The following MIDN variants were observed in gnomAD, a reference collection of about 807,000 sequenced individuals.
MIDN encodes the protein midnolin, also known as midbrain nucleolar protein.
MIDN carries 26 observed loss-of-function variants against 46.1 expected under a neutral mutation model. That is an observed-to-expected ratio of 0.56 (90% CI 0.41 to 0.78). The LOEUF (loss-of-function observed/expected upper bound fraction) is 0.78, where lower values mean the gene tolerates loss of function less well. MIDN is among the 30% of genes least tolerant of loss of function. The pLI is 0.00. For missense variants in MIDN, 850 were observed against 771.8 expected (o/e 1.10, Z -1.20); for synonymous variants, 432 against 343.3 (o/e 1.26, Z -2.86).
At chr19:1,256,222 G>A (rs1041342694) in intron 8 of MIDN, among the ~76,000 whole-genome samples, 15 of 152,226 alleles carry the variant, frequency 9.9e-5, no homozygotes, top group African/African-American at 1.7e-4. Flanking sequence ...GGTGGCTCAC[G>A]CCTGTAATCC....
intron 8 of MIDN, 77 bp downstream of exon 8, chr19:1,255,771 G>A (rs571883165): frequency 3.2e-5 from 44 of 1,372,202 alleles, no homozygotes; most frequent in Non-Finnish European, 4.2e-5. Flanking sequence ...GAGCTGGTGG[G>A]CTCAGGAGCA....
rs2081222692 is a variant in MIDN at position 1,258,032 on chromosome 19, G to T, written c.*760G>T. On this transcript the variant is annotated 3_prime_UTR_variant, in exon 9 of 9. Coordinates refer to ENST00000682408, the MANE Select transcript of MIDN (RefSeq NM_001388306.1). ...CCTTTCCTGTCGGGAAGGGAGAGGG[G>T]AACTACCCCCCCAGCCTGCCCTCCG... 6.6e-6 allele frequency: 1 copy of T among 152,410 alleles called. No homozygotes were observed. The highest frequency in any genetic ancestry group is 6.5e-5 in the Admixed American group (1 of 15,272). 9.4% of individuals were successfully genotyped at this position (152,410 alleles called of 1,614,324 possible).
intron 2 of MIDN, 102 bp downstream of exon 2, chr19:1,250,631 G>A: frequency 2.0e-6 from 1 of 509,318 alleles, no homozygotes; most frequent in South Asian, 8.3e-5. Context: ...GGCCAGACAG[G>A]GGGCGGGGGC....
chr19:1,255,401 C>CA, intron 7 of MIDN, 21 bp from the exon 8 acceptor site: 2 of 1,563,634 alleles, frequency 1.3e-6, no homozygotes, highest in Non-Finnish European at 8.7e-7. Context: ...GCCGGGCACT[C>CA]ACGGCCACCT....
intron 5 of MIDN, 21 bp downstream of exon 5, chr19:1,254,103 G>C (rs1455268984): frequency 1.1e-5 from 17 of 1,539,450 alleles, no homozygotes; most frequent in Non-Finnish European, 1.5e-5. Flanking sequence ...GGGGGGACTG[G>C]GCCGGGCTGG....
intron 6 of MIDN, 103 bp downstream of exon 6, chr19:1,254,581 C>A: frequency 7.9e-7 from 1 of 1,266,606 alleles, no homozygotes; most frequent in South Asian, 1.3e-5. Context: ...CCAGGTGAGT[C>A]CCTTGTATTA....
intron 6 of MIDN, 99 bp from the exon 7 acceptor site, chr19:1,254,803 C>A: frequency 7.3e-7 from 1 of 1,366,688 alleles, no homozygotes; most frequent in South Asian, 1.3e-5. Flanking sequence ...GTTGACAGGT[C>A]ATCTCCTGAC....
At chr19:1,254,760 G>A (rs745385406) in intron 6 of MIDN, 142 bp from the exon 7 acceptor site, 20 of 1,033,062 alleles carry the variant, frequency 1.9e-5, no homozygotes, top group East Asian at 9.6e-5. Flanking sequence ...TTGTGACCTC[G>A]TGACCTTGGG....
rs2081181209 is a variant in MIDN at position 1,255,033 on chromosome 19, C to A, written c.957C>A (p.Ala319=). The A allele has an allele frequency of 6.2e-7, 1 of 1,613,050 alleles. No individual in the cohort carries two copies. The change falls in exon 7 of 9, where the codon GCC becomes GCA. Residue 319 remains alanine (A), a synonymous_variant. Transcript: ENST00000682408. ...GAVIESFVNH[A]PGVFSGTFSG... The stretch of plus-strand genomic sequence containing the variant: ...TCATCGAGAGCTTTGTGAATCACGC[C>A]CCGGGGGTCTTCTCAGGGACCTTCT...
chr19:1,256,879 C>T (rs934596456), intron 8 of MIDN, 116 bp from the exon 9 acceptor site: 112 of 1,493,904 alleles, frequency 7.5e-5, no homozygotes, highest in Admixed American at 3.2e-4. Context: ...GCTGACCTCC[C>T]TCCAGGGAGG....
At chr19:1,251,048 G>A (rs1197827967) in intron 2 of MIDN, among the ~76,000 whole-genome samples, 2 of 151,876 alleles carry the variant, frequency 1.3e-5, no homozygotes, top group African/African-American at 2.4e-5. Flanking sequence ...CAGTGGAGGG[G>A]CCCATCGGGG....
intron 4 of MIDN, among the ~76,000 whole-genome samples, 198 bp downstream of exon 4, chr19:1,252,099 T>A (rs1472480785): frequency 6.6e-6 from 1 of 152,114 alleles, no homozygotes; most frequent in East Asian, 1.9e-4. Flanking sequence ...CGGAGGGCTT[T>A]CTCTCCCACG....
At position 1,249,065 on chromosome 19, in the gene MIDN, C is replaced by G. The variant is rs1442757550; in HGVS notation, c.-408+405C>G. 2.0e-5 allele frequency among the ~76,000 whole-genome samples: 3 copies of G among 151,766 alleles called. No individual in the cohort carries two copies. The East Asian group carries it at 5.8e-4, about 30-fold the overall frequency. On this transcript the variant is annotated intron_variant, in intron 1 of 8. Coordinates refer to ENST00000682408, the MANE Select transcript of MIDN (RefSeq NM_001388306.1). ...CGGGACTCCGGGCGGCGCTCCCAGG[C>G]GGGCCCGGCAGAGGGCGCGCCCGAG...
At chr19:1,251,779 C>G (rs772533832) in intron 3 of MIDN, 60 bp from the exon 4 acceptor site, 153 of 1,573,766 alleles carry the variant, frequency 9.7e-5, no homozygotes, top group Middle Eastern at 5.0e-4. Flanking sequence ...CTCTCCACCC[C>G]CTATTCCAGC....
chr19:1,249,261 C>T (rs2081091735), intron 1 of MIDN, among the ~76,000 whole-genome samples: 1 of 149,390 alleles, frequency 6.7e-6, no homozygotes, highest in African/African-American at 2.4e-5. Flanking sequence ...GTGCGGGCGC[C>T]CCGCCCCGGC....
In MIDN at chr19:1,257,001, G is replaced by A. The variant is rs775635166; in HGVS notation, c.1265G>A (p.Arg422Gln). 3.1e-6 allele frequency: 5 copies of A among 1,609,490 alleles called. No individual in the cohort carries two copies. Among genetic ancestry groups the A allele is most frequent in the South Asian group, 2.2e-5 (2 of 91,074 alleles). The change falls in exon 9 of 9, where the codon CGG becomes CAG. Residue 422 changes from arginine (R) to glutamine (Q), a missense_variant. By Grantham distance (43) the Arg-to-Gln change is conservative (BLOSUM62 1). Transcript: ENST00000682408. Reference sequence around the variant, plus strand: ...GCCACTACCTCCTTTGCAGGGGACCGGCTTCGGCAGACAGAAAACCGCGCC... The same window carrying A: ...GCCACTACCTCCTTTGCAGGGGACCAGCTTCGGCAGACAGAAAACCGCGCC... ...QIRMCKPPGD[R>Q]LRQTENRATR...
chr19:1,254,782 C>CT, intron 6 of MIDN, 120 bp from the exon 7 acceptor site: 1 of 1,228,918 alleles, frequency 8.1e-7, no homozygotes, highest in Non-Finnish European at 1.1e-6. Context: ...TAGTTTATCT[C>CT]TAAACCCTGT....
rs370692046 is a variant in MIDN at position 1,253,252 on chromosome 19, G to A, written c.385-702G>A. On this transcript the variant is annotated intron_variant, in intron 4 of 8. Coordinates refer to ENST00000682408, the MANE Select transcript of MIDN (RefSeq NM_001388306.1). Reference sequence around the variant, plus strand: ...GGTAGGGGGCCGGGCAGGCTGGGCCGCAGGGTGGGGGCTTCACCCTGCCCT... The same window carrying A: ...GGTAGGGGGCCGGGCAGGCTGGGCCACAGGGTGGGGGCTTCACCCTGCCCT... 2.5e-3 allele frequency among the ~76,000 whole-genome samples: 384 copies of A among 151,844 alleles called. 7 individuals are homozygous for A. Among genetic ancestry groups the A allele is most frequent in the Non-Finnish European group, 5.6e-4 (38 of 67,826 alleles).
In MIDN at chr19:1,257,072, C is replaced by A; in HGVS notation, c.1336C>A (p.Arg446=). ...GCTGCAGCTGCTTCTGCAGCAGAAA[C>A]GGCTCCGTAGAAAGGCCCGGCGGGA... is the stretch of plus-strand genomic sequence containing the variant. ...ERLQLLLQQK[R]LRRKARRDAR... Residue 446 remains arginine (R), a synonymous_variant, in exon 9 of 9, where the codon CGG becomes AGG. Transcript: ENST00000682408. 1.9e-6 allele frequency: 3 copies of A among 1,612,390 alleles called. No individual in the cohort carries two copies. Among genetic ancestry groups the A allele is most frequent in the Non-Finnish European group, 2.5e-6 (3 of 1,179,920 alleles).
Sources: gnomAD v4.1 joint callset for allele counts (sites outside exome capture counted in the v4.1 genomes callset) on GRCh38, gnomAD v4.1.1 for gene constraint, MANE v1.5 for transcripts, NCBI Gene and HGNC (gene_info 2026-07-23, HGNC 2026-07-21) for gene names.